The following LINGO1 variants were observed in gnomAD, a reference collection of about 807,000 sequenced individuals.
LINGO1 encodes leucine rich repeat and Ig domain containing 1, also known as leucine-rich repeat and immunoglobulin-like domain-containing nogo receptor-interacting protein 1.
In LINGO1, 11 loss-of-function variants were observed where a neutral mutation model predicts 37.3. The observed-to-expected ratio is 0.29, with a 90% CI of 0.19 to 0.49. The LOEUF (loss-of-function observed/expected upper bound fraction) is 0.49. Ranked by LOEUF, LINGO1 falls within the 20% of genes least tolerant of loss-of-function variation. The pLI is 0.99. For synonymous variants in LINGO1, 387 were observed against 403.0 expected (o/e 0.96, Z 0.48); for missense variants, 585 against 878.2 (o/e 0.67, Z 4.22).
At chr15:77,779,312 C>T (rs554891359) in intron 1 of LINGO1, among the ~76,000 whole-genome samples, 13 of 152,200 alleles carry the variant, frequency 8.5e-5, no homozygotes, top group Admixed American at 7.2e-4. Context: ...GGACCAGTTT[C>T]GTGGAAGACA....
intron 1 of LINGO1, among the ~76,000 whole-genome samples, chr15:77,757,584 C>T (rs578070705): frequency 1.3e-5 from 2 of 152,308 alleles, no homozygotes; most frequent in South Asian, 4.1e-4. Flanking sequence ...GTCATGGTCT[C>T]ATGGTATTTT....
chr15:77,756,758 G>A (rs758237120), intron 1 of LINGO1, among the ~76,000 whole-genome samples: 4 of 152,164 alleles, frequency 2.6e-5, no homozygotes, highest in Admixed American at 6.5e-5. Context: ...TTAGGAGAAC[G>A]TGCTCAGGGG....
chr15:77,657,866 T>G (rs1250509520), intron 3 of LINGO1, among the ~76,000 whole-genome samples: 1 of 152,112 alleles, frequency 6.6e-6, no homozygotes, highest in Non-Finnish European at 1.5e-5. Flanking sequence ...GTTAAAACAT[T>G]CTTCACACTC....
At chr15:77,738,266 G>A (rs1371643831) in intron 1 of LINGO1, among the ~76,000 whole-genome samples, 1 of 152,104 alleles carries the variant, frequency 6.6e-6, no homozygotes, top group Non-Finnish European at 1.5e-5. Context: ...TATCAGAGCA[G>A]CACGATGACG....
At chr15:77,724,501 T>C (rs2076083243) in intron 2 of LINGO1, among the ~76,000 whole-genome samples, 1 of 152,190 alleles carries the variant, frequency 6.6e-6, no homozygotes, top group South Asian at 2.1e-4. Flanking sequence ...TCCCCGTTGT[T>C]GAGATGAGGA....
chr15:77,680,389 T>C (rs190139290), intron 2 of LINGO1, among the ~76,000 whole-genome samples: 10 of 152,304 alleles, frequency 6.6e-5, no homozygotes, highest in Non-Finnish European at 1.0e-4. Flanking sequence ...CACTGCCCCT[T>C]TGGGGGCAGG....
chr15:77,776,552 G>GGAAAGCA (rs2076656202), intron 1 of LINGO1, among the ~76,000 whole-genome samples: 2 of 145,308 alleles, frequency 1.4e-5, no homozygotes, highest in Non-Finnish European at 3.0e-5. Context: ...GAGGGAGGGA[G>GGAAAGCA]GGAGGGAGCT....
At chr15:77,697,610 C>T (rs1215155420), upstream of LINGO1, among the ~76,000 whole-genome samples, 1 of 152,068 alleles carries the variant, frequency 6.6e-6, no homozygotes, top group African/African-American at 2.4e-5. Context: ...CAGCAAATGC[C>T]CTCTAATGCT....
intron 3 of LINGO1, among the ~76,000 whole-genome samples, chr15:77,642,542 C>T (rs1343752930): frequency 6.6e-6 from 1 of 152,224 alleles, no homozygotes; most frequent in Non-Finnish European, 1.5e-5. Flanking sequence ...ACTTAGGTGC[C>T]CATGGAGTGC....
chr15:77,749,434 A>C (rs761901364), intron 1 of LINGO1, among the ~76,000 whole-genome samples: 10 of 152,176 alleles, frequency 6.6e-5, no homozygotes, highest in Non-Finnish European at 1.5e-4. Flanking sequence ...CCCTGGTTTT[A>C]TTTCTCAGTC....
upstream of LINGO1, among the ~76,000 whole-genome samples, chr15:77,790,470 G>A (rs1227114170): frequency 6.6e-6 from 1 of 152,234 alleles, no homozygotes; most frequent in African/African-American, 2.4e-5. Context: ...ACACAGAGGG[G>A]CTGGGTGGTG....
intron 3 of LINGO1, among the ~76,000 whole-genome samples, chr15:77,656,229 T>G (rs918791452): frequency 6.6e-6 from 1 of 152,198 alleles, no homozygotes; most frequent in Admixed American, 6.5e-5. Flanking sequence ...GACCCCACTT[T>G]GGCCCTGGAC....
At chr15:77,742,128 C>T (rs780125279) in intron 1 of LINGO1, among the ~76,000 whole-genome samples, 4 of 152,200 alleles carry the variant, frequency 2.6e-5, no homozygotes, top group Non-Finnish European at 2.9e-5. Context: ...GGGGCCGCTC[C>T]CAGGGAGCTA....
At chr15:77,666,002 C>G (rs1040759114) in intron 3 of LINGO1, among the ~76,000 whole-genome samples, 1 of 152,254 alleles carries the variant, frequency 6.6e-6, no homozygotes, top group Non-Finnish European at 1.5e-5. Flanking sequence ...TCCCCACCAC[C>G]AAGGCCATGG....
intron 3 of LINGO1, among the ~76,000 whole-genome samples, chr15:77,663,514 C>T (rs1296668168): frequency 6.6e-6 from 1 of 152,158 alleles, no homozygotes; most frequent in African/African-American, 2.4e-5. Flanking sequence ...TTAGCTAAAT[C>T]CCCACCCAAG....
At chr15:77,776,556 G>GGAAAGCAGGAAGGCA (rs1307931922) in intron 1 of LINGO1, among the ~76,000 whole-genome samples, 3 of 150,656 alleles carry the variant, frequency 2.0e-5, no homozygotes, top group South Asian at 2.1e-4. Context: ...GAGGGAGGGA[G>GGAAAGCAGGAAGGCA]GGAGCTGACT....
intron 3 of LINGO1, among the ~76,000 whole-genome samples, chr15:77,663,648 C>A (rs1291200452): frequency 6.6e-6 from 1 of 152,216 alleles, no homozygotes; most frequent in African/African-American, 2.4e-5. Flanking sequence ...GAAATCCCAC[C>A]AGTAGGGGTC....
intron 2 of LINGO1, chr15:77,734,890 G>A (rs575901618): frequency 3.7e-4 from 57 of 152,368 alleles, no homozygotes; most frequent in Non-Finnish European, 6.3e-4. Flanking sequence ...GGGTCCAGGA[G>A]ATGGGAGGGG....
At chr15:77,659,084 G>C (rs1387998848) in intron 3 of LINGO1, among the ~76,000 whole-genome samples, 1 of 152,194 alleles carries the variant, frequency 6.6e-6, no homozygotes, top group Non-Finnish European at 1.5e-5. Context: ...GGAGAAGCTG[G>C]CTGGGACTAG....
Sources: allele counts gnomAD v4.1 joint callset (sites outside exome capture counted in the v4.1 genomes callset), GRCh38; gene constraint gnomAD v4.1.1; transcripts MANE v1.5; gene names NCBI Gene and HGNC (gene_info 2026-07-23, HGNC 2026-07-21).